The following PCNP variants were observed in gnomAD, a reference collection of about 807,000 sequenced individuals.
PCNP encodes the protein PEST proteolytic signal-containing nuclear protein.
PCNP carries 6 observed loss-of-function variants against 21.8 expected under a neutral mutation model. The observed-to-expected ratio is 0.28, with a 90% CI of 0.15 to 0.54. The LOEUF is 0.54. Among genes scored for constraint, PCNP ranks in the 20% least tolerant of loss-of-function variants. The probability of loss-of-function intolerance (pLI) is 0.95; values close to 1 mark genes in which losing one functional copy is unlikely to be tolerated. For synonymous variants in PCNP, 67 were observed against 73.2 expected (o/e 0.92, Z 0.43); for missense variants, 161 against 215.5 (o/e 0.75, Z 1.58).
chr3:101,575,456 C>G (rs1934819915), intron 1 of PCNP, among the ~76,000 whole-genome samples: 1 of 151,046 alleles, frequency 6.6e-6, no homozygotes, highest in Admixed American at 6.6e-5. Context: ...CTCCATCTCT[C>G]TCTTCCCTCC....
chr3:101,583,475 G>A (rs1056978673), intron 2 of PCNP, among the ~76,000 whole-genome samples: 2 of 152,140 alleles, frequency 1.3e-5, no homozygotes, highest in Admixed American at 1.3e-4. Flanking sequence ...AATGAGCCGG[G>A]CATGGCAGGG....
intron 1 of PCNP, 62 bp downstream of exon 1, chr3:101,574,341 A>C: frequency 1.3e-4 from 65 of 492,320 alleles, no homozygotes; most frequent in East Asian, 2.7e-4. Context: ...TTGAGCTCCC[A>C]GGGTGGGGGG....
chr3:101,588,713 G>A (rs1028499741), intron 3 of PCNP, among the ~76,000 whole-genome samples: 2 of 152,108 alleles, frequency 1.3e-5, no homozygotes, highest in African/African-American at 4.8e-5. Context: ...AAGAGTACAG[G>A]CCAGTTATTT....
chr3:101,580,649 T>C lies in PCNP; in HGVS notation c.279+645T>C, dbSNP rs140342499. 4.1e-4 allele frequency among the ~76,000 whole-genome samples: 62 copies of C among 152,332 alleles called. No homozygotes were observed. The East Asian group carries it at 0.011, about 27-fold the overall frequency. ...TGGGAATTGAATACTGTATATCTTA[T>C]GTTGGTAGTCTTTTACAGGTCAATA... On this transcript the variant is annotated intron_variant, in intron 2 of 4. Transcript: ENST00000265260.
chr3:101,577,223 A>G (rs16844076), intron 1 of PCNP, among the ~76,000 whole-genome samples: 13,492 of 152,236 alleles, frequency 0.089, 912 homozygotes, highest in Admixed American at 0.19. Flanking sequence ...CCCTTTGGTT[A>G]AATCTTTGTA....
intron 3 of PCNP, among the ~76,000 whole-genome samples, chr3:101,586,574 G>GAGAGAGAGAGAGAGAGTTTCTTGTTTC (rs1352690059): frequency 1.7e-4 from 25 of 149,604 alleles, no homozygotes; most frequent in Non-Finnish European, 3.3e-4. Context: ...GTGTGTGTGA[G>GAGAGAGAGAGAGAGAGTTTCTTGTTTC]AGAGAGAGAG....
At chr3:101,583,778 G>A (rs887960197) in intron 2 of PCNP, among the ~76,000 whole-genome samples, 2 of 150,786 alleles carry the variant, frequency 1.3e-5, no homozygotes, top group African/African-American at 4.9e-5. Flanking sequence ...CTCCTGAGTA[G>A]CTGAGATTAC....
At position 101,579,865 on chromosome 3, in the gene PCNP, G is replaced by A. The variant is rs751280977; in HGVS notation, c.140G>A (p.Arg47His). ...AGTAATGGAGGGGAAAGTTCCAGTC[G>A]CAGCGCTGAGAAGCGATCAGCTGAA... ...SSSNGGESSS[R>H]SAEKRSAEEE... is the part of the protein sequence containing the mutation. Residue 47 changes from arginine to histidine, a missense_variant, in exon 2 of 5, where the codon CGC becomes CAC. Around this residue, in one of 4 missense-constraint regions of PCNP, gnomAD observed 46 missense variants for 39.3 expected, o/e 1.17. Transcript: ENST00000265260. 3.0e-5 allele frequency: 48 copies of A among 1,613,870 alleles called. No individual in the cohort carries two copies. The highest frequency in any genetic ancestry group is 3.7e-5 in the Non-Finnish European group (44 of 1,179,864).
In PCNP at chr3:101,592,936, C is replaced by T; in HGVS notation, c.*183C>T. ...TTAGAGGTAATTTATGTTTTATATACAGATTTCAAGACATTTGCTAATTTT... is the reference window on the plus strand; with the variant it reads ...TTAGAGGTAATTTATGTTTTATATATAGATTTCAAGACATTTGCTAATTTT... On this transcript the variant is annotated 3_prime_UTR_variant, in exon 5 of 5. Transcript: ENST00000265260. 1 of 410,658 alleles carries T rather than the reference C, an allele frequency of 2.4e-6. No homozygotes were observed. The highest frequency in any genetic ancestry group is 8.0e-5 in the South Asian group (1 of 12,488). 25.4% of individuals were successfully genotyped at this position (410,658 alleles called of 1,614,324 possible).
intron 3 of PCNP, among the ~76,000 whole-genome samples, chr3:101,585,775 T>C (rs1440112265): frequency 1.3e-5 from 2 of 152,260 alleles, no homozygotes; most frequent in Admixed American, 1.3e-4. Context: ...TGCTAGGAAG[T>C]ATGTAGGATC....
chr3:101,576,320 C>T (rs1690220761), intron 1 of PCNP, among the ~76,000 whole-genome samples: 1 of 151,580 alleles, frequency 6.6e-6, no homozygotes, highest in Non-Finnish European at 1.5e-5. Flanking sequence ...CTGCAAACTC[C>T]GTCTCCCCGA....
intron 2 of PCNP, among the ~76,000 whole-genome samples, 168 bp downstream of exon 2, chr3:101,580,172 G>C (rs966518748): frequency 2.2e-5 from 3 of 139,400 alleles, no homozygotes; most frequent in Non-Finnish European, 4.9e-5. Context: ...AGAAGGGTCT[G>C]AATGAATTTT....
chr3:101,581,654 A>G (rs77757939), intron 2 of PCNP, among the ~76,000 whole-genome samples: 21,538 of 151,652 alleles, frequency 0.14, 1,571 homozygotes, highest in South Asian at 0.2. Flanking sequence ...GGCTGGTCTC[A>G]AACTCCTGAC....
At chr3:101,592,305 C>G (rs1935858003) in intron 4 of PCNP, among the ~76,000 whole-genome samples, 1 of 152,048 alleles carries the variant, frequency 6.6e-6, no homozygotes, top group African/African-American at 2.4e-5. Context: ...TCCCAAGTAG[C>G]TGGGACTACA....
chr3:101,579,056 T>C (rs562548319), intron 1 of PCNP, among the ~76,000 whole-genome samples: 17 of 152,214 alleles, frequency 1.1e-4, no homozygotes, highest in African/African-American at 4.1e-4. Context: ...CCTACATATG[T>C]ATGCCTTCTA....
chr3:101,594,182 C>CAAGTAAA lies in PCNP; in HGVS notation c.*1435_*1436insAAAGTAA, dbSNP rs1275539389. 1 of 152,440 alleles carries CAAGTAAA rather than the reference C, an allele frequency of 6.6e-6. No individual in the cohort carries two copies. The highest frequency in any genetic ancestry group is 2.4e-5 in the African/African-American group (1 of 41,396). 9.4% of individuals were successfully genotyped at this position (152,440 alleles called of 1,614,324 possible). On this transcript the variant is annotated 3_prime_UTR_variant, in exon 5 of 5. Coordinates refer to ENST00000265260, the MANE Select transcript of PCNP (RefSeq NM_020357.3). ...CTAGCATTTAAGTTTAGAATAAGCC[C>CAAGTAAA]AAGTAAGACAATGGAAATGTATATA...
intron 1 of PCNP, among the ~76,000 whole-genome samples, chr3:101,575,137 C>T (rs929964808): frequency 3.3e-5 from 5 of 152,186 alleles, no homozygotes; most frequent in African/African-American, 1.2e-4. Flanking sequence ...GTAATCTCTC[C>T]AGCTCCCTCT....
At chr3:101,577,023 C>T in intron 1 of PCNP, 1 of 788,212 alleles carries the variant, frequency 1.3e-6, no homozygotes, top group Non-Finnish European at 2.3e-6. Flanking sequence ...GACGAGATTT[C>T]ACCATGTTGG....
chr3:101,577,142 A>G (rs1934961723), intron 1 of PCNP, among the ~76,000 whole-genome samples: 1 of 152,246 alleles, frequency 6.6e-6, no homozygotes, highest in South Asian at 2.1e-4. Flanking sequence ...ATTTCTGTCT[A>G]TGAGAGAAGC....
Sources: allele counts gnomAD v4.1 joint callset (sites outside exome capture counted in the v4.1 genomes callset), GRCh38; gene constraint gnomAD v4.1.1; regional missense constraint gnomAD v4.1.1; transcripts MANE v1.5; gene names NCBI Gene and HGNC (gene_info 2026-07-23, HGNC 2026-07-21).